DSE: variants seen among roughly 807,000 people sequenced by gnomAD.
DSE encodes dermatan-sulfate epimerase.
In DSE, 36 loss-of-function variants were observed where a neutral mutation model predicts 84.4. That is an observed-to-expected ratio of 0.43 (90% confidence interval 0.33 to 0.56). DSE has a LOEUF of 0.56. DSE is among the 20% of genes least tolerant of loss of function. The pLI, the probability that DSE is intolerant of heterozygous loss-of-function variation, is 0.06. For synonymous variants in DSE, 410 were observed against 430.1 expected (o/e 0.95, Z 0.58); for missense variants, 862 against 1,169.6 (o/e 0.74, Z 3.84).
Position 116,438,425 on chromosome 6 carries a change from T to G in DSE, c.*1080T>G, listed in dbSNP as rs1784310727. On this transcript the variant is annotated 3_prime_UTR_variant, in exon 6 of 6. Transcript: ENST00000644252. ...GAATCAAAAGAAGTATTTTCTCTGCTTATTAACCTTAATTGTTGTTTAAGC... is the reference window on the plus strand; with the variant it reads ...GAATCAAAAGAAGTATTTTCTCTGCGTATTAACCTTAATTGTTGTTTAAGC... The G allele has an allele frequency of 6.6e-6, 1 of 152,180 alleles. No individual in the cohort carries two copies. Among genetic ancestry groups the G allele is most frequent in the Admixed American group, 6.5e-5 (1 of 15,280 alleles). The allele number at this position is 152,180 out of a possible 1,614,324, so 9.4% of individuals were successfully genotyped here.
At chr6:116,310,125 A>C (rs572452258) in intron 2 of DSE, among the ~76,000 whole-genome samples, 204 of 152,316 alleles carry the variant, frequency 1.3e-3, no homozygotes, top group African/African-American at 4.6e-3. Flanking sequence ...ACTGTTTTAC[A>C]GTTGAGGAAG....
At chr6:116,414,411 G>A (rs1421000504) in intron 2 of DSE, among the ~76,000 whole-genome samples, 2 of 102,194 alleles carry the variant, frequency 2.0e-5, no homozygotes, top group African/African-American at 7.3e-5. Context: ...AATATCAAGT[G>A]TTTGCTCATT....
intron 2 of DSE, among the ~76,000 whole-genome samples, chr6:116,337,202 T>C (rs1258364481): frequency 6.6e-6 from 1 of 152,238 alleles, no homozygotes; most frequent in Admixed American, 6.5e-5. Context: ...GAACCCTGGC[T>C]CCTCACTGCC....
In DSE at chr6:116,435,872, T is replaced by G. The variant is rs1300329106; in HGVS notation, c.1404T>G (p.Ile468Met). The G allele has an allele frequency of 3.7e-6, 6 of 1,614,190 alleles. No individual in the cohort carries two copies. Among genetic ancestry groups the G allele is most frequent in the Non-Finnish European group, 5.1e-6 (6 of 1,180,020 alleles). Residue 468 changes from isoleucine (I) to methionine (M), a missense_variant, in exon 6 of 6, where the codon ATT becomes ATG. Physicochemically the swap from Ile to Met is conservative, Grantham distance 10. Coordinates refer to ENST00000644252, the MANE Select transcript of DSE (RefSeq NM_013352.4). ...FTFAPNGVPF[I>M]TEALYGPKYT... ...TTGCTCCCAATGGTGTGCCTTTCATTACTGAGGCTCTGTACGGGCCAAAGT... is the reference window on the plus strand; with the variant it reads ...TTGCTCCCAATGGTGTGCCTTTCATGACTGAGGCTCTGTACGGGCCAAAGT...
At chr6:116,373,944 A>G (rs142046344) in intron 1 of DSE, among the ~76,000 whole-genome samples, 1 of 152,390 alleles carries the variant, frequency 6.6e-6, no homozygotes, top group Non-Finnish European at 1.5e-5. Flanking sequence ...AAATAATTGT[A>G]GAGAAAAAAA....
intron 2 of DSE, among the ~76,000 whole-genome samples, chr6:116,414,638 C>G (rs1034935713): frequency 1.3e-5 from 2 of 152,144 alleles, no homozygotes; most frequent in Admixed American, 1.3e-4. Flanking sequence ...TCTCGAACTC[C>G]CGACCTCAGG....
At chr6:116,433,631 A>T in intron 5 of DSE, 81 bp downstream of exon 5, 1 of 1,426,372 alleles carries the variant, frequency 7.0e-7, no homozygotes, top group Non-Finnish European at 9.5e-7. Context: ...TTTTGCATTT[A>T]AAAAGAAAAA....
intron 2 of DSE, among the ~76,000 whole-genome samples, chr6:116,342,415 G>T (rs1777665709): frequency 6.6e-6 from 1 of 151,718 alleles, no homozygotes; most frequent in East Asian, 1.9e-4. Context: ...CTGAGTAGCT[G>T]GGATTACAGG....
intron 2 of DSE, among the ~76,000 whole-genome samples, chr6:116,266,176 T>C (rs997210399): frequency 6.6e-6 from 1 of 152,182 alleles, no homozygotes; most frequent in Non-Finnish European, 1.5e-5. Flanking sequence ...ATCCATGATA[T>C]AATCAATGGC....
chr6:116,258,819 G>A (rs1218632935), exon 2 of DSE: 15 of 1,608,036 alleles, frequency 9.3e-6, no homozygotes, highest in Non-Finnish European at 1.3e-5. Flanking sequence ...GCAGGTGTAT[G>A]ACCTCGAAGG....
rs1022160381 is a variant in DSE, at chr6:116,403,588, A to G, written c.416+3922A>G. ...ACTGGAGACATTGACTGGACAAGGA[A>G]TGTGACAGTTGCTAAAAGGCATCTA... On this transcript the variant is annotated intron_variant, in intron 2 of 5. Coordinates refer to ENST00000644252, the MANE Select transcript of DSE (RefSeq NM_013352.4). 4.6e-5 allele frequency among the ~76,000 whole-genome samples: 7 copies of G among 152,296 alleles called. No individual in the cohort carries two copies. In the East Asian group the frequency reaches 1.4e-3, roughly 29 times the overall value.
At chr6:116,340,603 TAC>T (rs1777534048) in intron 2 of DSE, among the ~76,000 whole-genome samples, 1 of 152,142 alleles carries the variant, frequency 6.6e-6, no homozygotes, top group Non-Finnish European at 1.5e-5. Context: ...ACTTGTCATT[TAC>T]ATTAGGCATT....
At chr6:116,284,053 C>T (rs976592216) in intron 2 of DSE, among the ~76,000 whole-genome samples, 3 of 152,110 alleles carry the variant, frequency 2.0e-5, no homozygotes, top group African/African-American at 7.2e-5. Context: ...CAATAAACTT[C>T]ACTACCCCCA....
At chr6:116,368,943 C>CGGG (rs376133129), upstream of DSE, among the ~76,000 whole-genome samples, 309 of 84,364 alleles carry the variant, frequency 3.7e-3, 4 homozygotes, top group Admixed American at 9.8e-3. Flanking sequence ...GGCGGGGGGA[C>CGGG]GGGGGGGGCT....
At chr6:116,286,871 T>C (rs1773940833) in intron 2 of DSE, among the ~76,000 whole-genome samples, 1 of 152,152 alleles carries the variant, frequency 6.6e-6, no homozygotes, top group Non-Finnish European at 1.5e-5. Flanking sequence ...TTGGTACATG[T>C]TACTGTATTT....
At chr6:116,362,377 C>T (rs1475541674) in intron 2 of DSE, among the ~76,000 whole-genome samples, 1 of 152,090 alleles carries the variant, frequency 6.6e-6, no homozygotes, top group Non-Finnish European at 1.5e-5. Context: ...GAATTTTGTT[C>T]CCCAAAATTC....
intron 2 of DSE, among the ~76,000 whole-genome samples, chr6:116,364,184 G>C (rs1262815083): frequency 6.6e-6 from 1 of 152,146 alleles, no homozygotes; most frequent in Non-Finnish European, 1.5e-5. Context: ...TTAAACTGTT[G>C]TTGGGTTTTT....
rs144608106 is a variant in DSE, at chr6:116,383,525, G to A, written c.-54+12404G>A. On this transcript the variant is annotated intron_variant, in intron 1 of 5. Transcript: ENST00000644252. ...TCACCTAGATAAGGATATAGACTCC[G>A]CATTAAACATTCATGAACTTGTGCA... Among the ~76,000 whole-genome samples, 48 of 152,290 alleles carry A rather than the reference G, an allele frequency of 3.2e-4. No homozygotes were observed. The East Asian group carries it at 3.7e-3, about 12-fold the overall frequency.
chr6:116,364,690 G>C (rs1358582213), intron 2 of DSE, among the ~76,000 whole-genome samples: 1 of 151,586 alleles, frequency 6.6e-6, no homozygotes, highest in Non-Finnish European at 1.5e-5. Flanking sequence ...TATTTAGAAA[G>C]AAATACATTA....
Sources: allele counts gnomAD v4.1 joint callset (sites outside exome capture counted in the v4.1 genomes callset), GRCh38; gene constraint gnomAD v4.1.1; transcripts MANE v1.5; gene names NCBI Gene and HGNC (gene_info 2026-07-23, HGNC 2026-07-21).